UGGT2: variants seen among roughly 807,000 people sequenced by gnomAD.
UGGT2 encodes the protein UDP-glucose:glycoprotein glucosyltransferase 2.
UGGT2 carries 180 observed loss-of-function variants against 192.1 expected under a neutral mutation model. That is an observed-to-expected ratio of 0.94 (90% CI 0.83 to 1.06). The LOEUF is 1.06. Ranked by LOEUF, UGGT2 falls within the 50% of genes least tolerant of loss-of-function variation. The pLI, the probability that UGGT2 is intolerant of heterozygous loss-of-function variation, is 0.00. For missense variants in UGGT2, 1,849 were observed against 1,795.7 expected, an observed-to-expected ratio of 1.03 and a Z score of -0.54; for synonymous variants, 580 against 591.0, an observed-to-expected ratio of 0.98 and a Z score of 0.27.
chr13:95,874,701 T>G (rs1027213400), intron 29 of UGGT2, among the ~76,000 whole-genome samples: 1 of 151,822 alleles, frequency 6.6e-6, no homozygotes, highest in East Asian at 1.9e-4. Flanking sequence ...TCCTCCTCCT[T>G]CTTATTTTGA....
chr13:96,053,098 G>T, intron 1 of UGGT2, 57 bp downstream of exon 1: 1 of 1,407,718 alleles, frequency 7.1e-7, no homozygotes, highest in African/African-American at 1.5e-5. Flanking sequence ...AAGAAAGCGC[G>T]GCTGAGGGTG....
chr13:95,944,355 T>C (rs191101402), intron 15 of UGGT2, among the ~76,000 whole-genome samples: 1 of 152,218 alleles, frequency 6.6e-6, no homozygotes, highest in East Asian at 1.9e-4. Flanking sequence ...TTGGTAGAAT[T>C]TGCTGTGCTA....
intron 10 of UGGT2, among the ~76,000 whole-genome samples, chr13:95,981,528 A>ATT (rs2051125308): frequency 6.6e-6 from 1 of 152,158 alleles, no homozygotes; most frequent in Non-Finnish European, 1.5e-5. Flanking sequence ...CCAGAGGAAA[A>ATT]TCCTTCAAAT....
intron 25 of UGGT2, among the ~76,000 whole-genome samples, chr13:95,888,389 G>A (rs1026670975): frequency 2.6e-5 from 4 of 152,106 alleles, no homozygotes; most frequent in Admixed American, 2.0e-4. Context: ...GGCTACCTAC[G>A]AATAAATACT....
chr13:95,940,940 C>G (rs550551020), intron 15 of UGGT2, among the ~76,000 whole-genome samples: 1 of 152,228 alleles, frequency 6.6e-6, no homozygotes, highest in African/African-American at 2.4e-5. Context: ...TCTACTCTTC[C>G]CCAGTCTCAA....
In UGGT2 at chr13:96,043,141, G is replaced by GA. The variant is rs2053213524; in HGVS notation, c.158+10013dup. Among the ~76,000 whole-genome samples, 3 of 152,262 alleles carry GA rather than the reference G, an allele frequency of 2.0e-5. No individual in the cohort carries two copies. The South Asian group carries it at 6.2e-4, about 32-fold the overall frequency. On this transcript the variant is annotated intron_variant, in intron 1 of 38. Coordinates refer to ENST00000376747, the MANE Select transcript of UGGT2 (RefSeq NM_020121.4). ...AACACCAGGTAACTAACCTATAAAG[G>GA]AAAACCTATCAGATTAACAGCAGAT...
At chr13:95,909,044 A>T (rs1198312321) in intron 20 of UGGT2, among the ~76,000 whole-genome samples, 8 of 150,560 alleles carry the variant, frequency 5.3e-5, no homozygotes, top group African/African-American at 2.0e-4. Flanking sequence ...CTGAATGGTA[A>T]TGCCTAGGTT....
chr13:95,918,972 A>G (rs910308747), intron 20 of UGGT2, among the ~76,000 whole-genome samples: 2 of 152,210 alleles, frequency 1.3e-5, no homozygotes, highest in Non-Finnish European at 2.9e-5. Flanking sequence ...AAAATCCTCA[A>G]TAAACTACTA....
chr13:95,876,193 A>T (rs1381285008), intron 29 of UGGT2, among the ~76,000 whole-genome samples: 1 of 152,248 alleles, frequency 6.6e-6, no homozygotes, highest in Non-Finnish European at 1.5e-5. Flanking sequence ...AGAACAGGAA[A>T]ATTTTTGTGC....
intron 37 of UGGT2, 110 bp from the exon 38 acceptor site, chr13:95,833,163 A>G (rs3099359): frequency 0.37 from 461,853 of 1,248,614 alleles, 88,833 homozygotes; most frequent in Admixed American, 0.4. Flanking sequence ...GCAGAGTCCT[A>G]CTAAGTACTG....
intron 22 of UGGT2, among the ~76,000 whole-genome samples, chr13:95,897,741 C>G (rs1276178117): frequency 6.6e-6 from 1 of 152,132 alleles, no homozygotes; most frequent in African/African-American, 2.4e-5. Flanking sequence ...TTCCAATATA[C>G]TTTTCTATTA....
chr13:95,989,621 C>T (rs953102102), intron 8 of UGGT2: 1 of 353,774 alleles, frequency 2.8e-6, no homozygotes, highest in South Asian at 2.2e-5. Context: ...AAGAAGAAAA[C>T]CAAGATTAAG....
chr13:96,022,897 A>T (rs546490453), intron 4 of UGGT2, 143 bp downstream of exon 4: 1 of 450,054 alleles, frequency 2.2e-6, no homozygotes, highest in African/African-American at 2.0e-5. Context: ...ACATTCTCAG[A>T]TATATTACGG....
At chr13:95,901,064 A>C (rs2048092719) in intron 21 of UGGT2, 126 bp from the exon 22 acceptor site, 1 of 726,820 alleles carries the variant, frequency 1.4e-6, no homozygotes, top group African/African-American at 1.8e-5. Context: ...ATTTGGTATA[A>C]TTTTCTTTGA....
chr13:96,041,589 G>C (rs2053165624), intron 1 of UGGT2, among the ~76,000 whole-genome samples: 1 of 152,186 alleles, frequency 6.6e-6, no homozygotes, highest in Non-Finnish European at 1.5e-5. Context: ...GAGGCTGGTA[G>C]CCTGGGGCAA....
chr13:95,980,303 G>A (rs1321258522), intron 10 of UGGT2, among the ~76,000 whole-genome samples: 1 of 152,194 alleles, frequency 6.6e-6, no homozygotes. Flanking sequence ...TGGCATTTGT[G>A]CAACCTGGAT....
rs951541684 is a variant in UGGT2 at position 95,930,945 on chromosome 13, T to A, written c.1978-3609A>T. Among the ~76,000 whole-genome samples the A allele has an allele frequency of 9.2e-5, 14 of 152,048 alleles. No individual in the cohort carries two copies. The East Asian group carries it at 2.3e-3, about 25-fold the overall frequency. ...CCCAAAGACTGAGCAGCAGAAAGAT[T>A]TACTGCAAAGAGCAAAAGAACAAAC... On this transcript the variant is annotated intron_variant, in intron 17 of 38. Transcript: ENST00000376747.
At chr13:95,972,432 C>T in intron 11 of UGGT2, 148 bp downstream of exon 11, 1 of 713,860 alleles carries the variant, frequency 1.4e-6, no homozygotes, top group South Asian at 2.0e-5. Context: ...TGGGCTTGCC[C>T]ATTTTGGTAG....
intron 38 of UGGT2, among the ~76,000 whole-genome samples, chr13:95,830,006 C>T (rs943057514): frequency 6.6e-6 from 1 of 152,088 alleles, no homozygotes; most frequent in Non-Finnish European, 1.5e-5. Flanking sequence ...CTTTGACAAA[C>T]CTGACAAAAA....
Sources: allele counts gnomAD v4.1 joint callset (sites outside exome capture counted in the v4.1 genomes callset), GRCh38; gene constraint gnomAD v4.1.1; transcripts MANE v1.5; gene names NCBI Gene and HGNC (gene_info 2026-07-23, HGNC 2026-07-21).